HMGCLL1: variants seen among roughly 807,000 people sequenced by gnomAD.
HMGCLL1 encodes 3-hydroxy-3-methylglutaryl-CoA lyase like 1.
Under a neutral mutation model 39.1 loss-of-function variants are expected in HMGCLL1, and 36 were observed. The ratio of observed to expected loss-of-function variants is 0.92; its 90% CI spans 0.71 to 1.22. HMGCLL1 has a LOEUF of 1.22. Among genes scored for constraint, HMGCLL1 ranks in the 50% most tolerant of loss-of-function variants. The probability of loss-of-function intolerance (pLI) is 0.00; values close to 1 mark genes in which losing one functional copy is unlikely to be tolerated. For synonymous variants in HMGCLL1, 149 were observed against 144.0 expected, an observed-to-expected ratio of 1.03 and a Z score of -0.25; for missense variants, 451 against 416.5, an observed-to-expected ratio of 1.08 and a Z score of -0.72.
Position 55,553,139 on chromosome 6 carries a change from A to ATC in HMGCLL1, c.109-11001_109-11000dup, listed in dbSNP as rs111529086. On this transcript the variant is annotated intron_variant, in intron 1 of 8. Coordinates refer to ENST00000274901, the MANE Select transcript of HMGCLL1 (RefSeq NM_001042406.2). The stretch of plus-strand genomic sequence containing the variant: ...GCCTGGGCAACAAGAGCAAAACTCC[A>ATC]TCTCTCTCTCTCTCTCTCTCTATAT... Among the ~76,000 whole-genome samples the ATC allele has an allele frequency of 2.8e-3, 366 of 132,966 alleles. 2 individuals are homozygous for ATC. The highest frequency in any genetic ancestry group is 0.014 in the Middle Eastern group (4 of 278). 87.2% of individuals were successfully genotyped at this position (132,966 alleles called of 152,430 possible).
chr6:55,490,657 GTGT>G (rs1262504716), intron 7 of HMGCLL1, among the ~76,000 whole-genome samples: 1 of 151,996 alleles, frequency 6.6e-6, no homozygotes, highest in African/African-American at 2.4e-5. Context: ...ACTTTTATAT[GTGT>G]TATTTTTAAA....
At chr6:55,568,763 C>A (rs1304352538) in intron 1 of HMGCLL1, among the ~76,000 whole-genome samples, 1 of 151,986 alleles carries the variant, frequency 6.6e-6, no homozygotes, top group Non-Finnish European at 1.5e-5. Flanking sequence ...TGCTTTATAT[C>A]TTTTAAAAAC....
intron 1 of HMGCLL1, among the ~76,000 whole-genome samples, chr6:55,543,435 T>TGA (rs1561951335): frequency 3.7e-5 from 2 of 53,680 alleles, no homozygotes; most frequent in African/African-American, 8.7e-5. Flanking sequence ...ATATCATATA[T>TGA]CATATATGAT....
At chr6:55,597,806 T>G in the HMGCLL1 span, among the ~76,000 whole-genome samples, 1 of 152,162 alleles carries the variant, frequency 6.6e-6, no homozygotes, top group Non-Finnish European at 1.5e-5. Context: ...TTTACAAAAG[T>G]AAATCACTTT....
intron 7 of HMGCLL1, among the ~76,000 whole-genome samples, chr6:55,447,469 T>C (rs1265554472): frequency 6.6e-6 from 1 of 152,026 alleles, no homozygotes; most frequent in Non-Finnish European, 1.5e-5. Flanking sequence ...TCTTTAAAAC[T>C]AGTATTCCTA....
At chr6:55,664,646 T>G in the HMGCLL1 span, among the ~76,000 whole-genome samples, 4 of 151,900 alleles carry the variant, frequency 2.6e-5, no homozygotes, top group East Asian at 7.8e-4. Context: ...AAACATTTAT[T>G]ATTTAACAAT....
At chr6:55,477,055 G>A (rs1192513199) in intron 7 of HMGCLL1, among the ~76,000 whole-genome samples, 1 of 104,266 alleles carries the variant, frequency 9.6e-6, no homozygotes, top group African/African-American at 3.4e-5. Flanking sequence ...GGGTCAAATG[G>A]TATTTCTATG....
chr6:55,446,474 T>A (rs1402569782), intron 7 of HMGCLL1, among the ~76,000 whole-genome samples: 1 of 152,006 alleles, frequency 6.6e-6, no homozygotes, highest in East Asian at 1.9e-4. Context: ...GTGTGCTCCG[T>A]CTACTTGAGC....
chr6:55,617,966 A>G, the HMGCLL1 span, among the ~76,000 whole-genome samples: 9 of 152,154 alleles, frequency 5.9e-5, no homozygotes, highest in Admixed American at 5.9e-4. Context: ...CATAGTTATA[A>G]GGAACGTGGA....
At chr6:55,657,167 A>G in the HMGCLL1 span, among the ~76,000 whole-genome samples, 2 of 151,800 alleles carry the variant, frequency 1.3e-5, no homozygotes, top group African/African-American at 4.8e-5. Context: ...TACTCTGTTC[A>G]TAGTTTCTTT....
chr6:55,516,450 A>T, intron 4 of HMGCLL1, 58 bp downstream of exon 4: 3 of 1,118,228 alleles, frequency 2.7e-6, no homozygotes, highest in Middle Eastern at 4.1e-4. Flanking sequence ...TAACTTTGTA[A>T]ATATCTTTAA....
the HMGCLL1 span, among the ~76,000 whole-genome samples, chr6:55,642,550 A>T: frequency 6.6e-6 from 1 of 152,130 alleles, no homozygotes; most frequent in African/African-American, 2.4e-5. Flanking sequence ...TAATCACATC[A>T]TGGGAAATTG....
chr6:55,586,194 T>C, the HMGCLL1 span, among the ~76,000 whole-genome samples: 1 of 152,020 alleles, frequency 6.6e-6, no homozygotes, highest in East Asian at 1.9e-4. Flanking sequence ...AGTGAGAAGA[T>C]AAGTTTAGAA....
In HMGCLL1 at chr6:55,517,762, A is replaced by C. The variant is rs1356557716; in HGVS notation, c.298-1159T>G. ...CAACTCTCAAATGCCAGCAGAGTTA[A>C]ATTTAATGCTTTCAATTAGTATAAT... On this transcript the variant is annotated intron_variant, in intron 3 of 8. Transcript: ENST00000274901. Among the ~76,000 whole-genome samples, 5 of 152,238 alleles carry C rather than the reference A, an allele frequency of 3.3e-5. No homozygotes were observed. In the East Asian group the frequency reaches 9.7e-4, roughly 29 times the overall value.
At chr6:55,454,422 T>C (rs1161836467) in intron 7 of HMGCLL1, among the ~76,000 whole-genome samples, 1 of 152,216 alleles carries the variant, frequency 6.6e-6, no homozygotes, top group East Asian at 1.9e-4. Context: ...CAGCAAAGGC[T>C]AAGTGAGATA....
chr6:55,677,283 G>A, the HMGCLL1 span, among the ~76,000 whole-genome samples: 2 of 152,058 alleles, frequency 1.3e-5, no homozygotes, highest in South Asian at 4.1e-4. Flanking sequence ...CCACTACTCG[G>A]GAAGCTGAGG....
chr6:55,609,159 T>G, the HMGCLL1 span, among the ~76,000 whole-genome samples: 1 of 152,168 alleles, frequency 6.6e-6, no homozygotes, highest in Non-Finnish European at 1.5e-5. Context: ...GGAATCTACC[T>G]AAAACAACAG....
intron 1 of HMGCLL1, among the ~76,000 whole-genome samples, chr6:55,576,417 G>A (rs1350609452): frequency 6.6e-6 from 1 of 152,166 alleles, no homozygotes; most frequent in Non-Finnish European, 1.5e-5. Context: ...GCTGAGAGAT[G>A]CAATGAAAAG....
intron 3 of HMGCLL1, among the ~76,000 whole-genome samples, chr6:55,527,585 C>T (rs1354075522): frequency 6.6e-6 from 1 of 151,934 alleles, no homozygotes; most frequent in African/African-American, 2.4e-5. Context: ...AAAAAGAACA[C>T]AAAAATATCT....
Sources: gnomAD v4.1 joint callset for allele counts (sites outside exome capture counted in the v4.1 genomes callset) on GRCh38, gnomAD v4.1.1 for gene constraint, MANE v1.5 for transcripts, NCBI Gene and HGNC (gene_info 2026-07-23, HGNC 2026-07-21) for gene names.